DRC8: variants seen among roughly 807,000 people sequenced by gnomAD.
DRC8 encodes dynein regulatory complex subunit 8, also known as dynein regulatory complex protein 8.
the DRC8 span, among the ~76,000 whole-genome samples, chr1:245,007,489 A>T: frequency 6.6e-6 from 1 of 152,270 alleles, no homozygotes; most frequent in Non-Finnish European, 1.5e-5. Context: ...GAATGTCTTT[A>T]TTTTTAGGAG....
the DRC8 span, among the ~76,000 whole-genome samples, chr1:245,041,143 G>T: frequency 6.6e-6 from 1 of 152,168 alleles, no homozygotes; most frequent in East Asian, 1.9e-4. Flanking sequence ...AAGATTAGGA[G>T]TCAGCTGTGT....
the DRC8 span, among the ~76,000 whole-genome samples, chr1:245,045,786 G>A: frequency 5.3e-5 from 4 of 76,132 alleles, no homozygotes; most frequent in Admixed American, 1.2e-4. Context: ...CTGACTGGTT[G>A]TGGACAGCAA....
the DRC8 span, among the ~76,000 whole-genome samples, chr1:245,037,442 A>G: frequency 2.0e-5 from 3 of 152,328 alleles, no homozygotes; most frequent in South Asian, 6.2e-4. Context: ...AATTTTGAAG[A>G]CTCGATAAAG....
the DRC8 span, chr1:245,087,183 A>G: frequency 3.7e-5 from 58 of 1,573,838 alleles, 1 homozygote; most frequent in South Asian, 6.5e-4. Flanking sequence ...TAAGCTGGCT[A>G]GTGGAAAGAG....
the DRC8 span, among the ~76,000 whole-genome samples, chr1:245,115,132 C>T: frequency 6.6e-6 from 1 of 152,142 alleles, no homozygotes; most frequent in Admixed American, 6.5e-5. Flanking sequence ...CTCATGCAGC[C>T]TCGACCTCCC....
chr1:245,078,460 T>TACAC, the DRC8 span, among the ~76,000 whole-genome samples: 74 of 34,062 alleles, frequency 2.2e-3, no homozygotes, highest in Non-Finnish European at 2.4e-3. Context: ...ATAGTATATG[T>TACAC]ACACACACAC....
At chr1:244,984,221 T>G in the DRC8 span, among the ~76,000 whole-genome samples, 1 of 152,286 alleles carries the variant, frequency 6.6e-6, no homozygotes, top group South Asian at 2.1e-4. Context: ...GAGTACCTTG[T>G]GATCCTTTTG....
At chr1:245,015,513 A>G in the DRC8 span, among the ~76,000 whole-genome samples, 1 of 152,160 alleles carries the variant, frequency 6.6e-6, no homozygotes, top group East Asian at 1.9e-4. Flanking sequence ...GATCGAGACC[A>G]TCCTGGCCAA....
chr1:245,083,506 T>C, the DRC8 span: 1 of 1,607,224 alleles, frequency 6.2e-7, no homozygotes, highest in South Asian at 1.1e-5. Context: ...CCAGCTTATA[T>C]GCATATACAT....
the DRC8 span, chr1:245,017,442 GTATT>G: frequency 3.7e-6 from 4 of 1,075,486 alleles, no homozygotes; most frequent in South Asian, 6.3e-5. Flanking sequence ...GCTCTTTTAA[GTATT>G]TATTTTCCAT....
chr1:245,031,091 AC>A, the DRC8 span, among the ~76,000 whole-genome samples: 1 of 152,136 alleles, frequency 6.6e-6, no homozygotes. Context: ...TGATATAGTT[AC>A]CCCAAATCCT....
At chr1:245,007,072 G>A in the DRC8 span, among the ~76,000 whole-genome samples, 56 of 152,362 alleles carry the variant, frequency 3.7e-4, no homozygotes, top group South Asian at 1.7e-3. Flanking sequence ...GGAATCAGTA[G>A]AAGATAGCAG....
the DRC8 span, among the ~76,000 whole-genome samples, chr1:245,061,611 AAAAG>A: frequency 2.2e-4 from 34 of 152,340 alleles, no homozygotes; most frequent in Non-Finnish European, 4.3e-4. Context: ...AGCACATAAA[AAAAG>A]CACAAATTTG....
the DRC8 span, chr1:244,970,347 C>T: frequency 6.6e-7 from 1 of 1,521,636 alleles, no homozygotes; most frequent in Non-Finnish European, 8.8e-7. Context: ...CGCCGCGGGG[C>T]GCTGAGCAGG....
chr1:245,046,197 TTTC>T, the DRC8 span, among the ~76,000 whole-genome samples: 2 of 152,196 alleles, frequency 1.3e-5, no homozygotes, highest in African/African-American at 2.4e-5. Flanking sequence ...AATGTCTTGT[TTTC>T]TTATTTCTAA....
the DRC8 span, among the ~76,000 whole-genome samples, chr1:245,116,901 C>T: frequency 1.1e-4 from 16 of 152,074 alleles, no homozygotes; most frequent in African/African-American, 2.7e-4. Flanking sequence ...AAGCCAGCAA[C>T]GATTTTATCT....
At chr1:245,022,796 C>T in the DRC8 span, among the ~76,000 whole-genome samples, 1 of 152,060 alleles carries the variant, frequency 6.6e-6, no homozygotes, top group Non-Finnish European at 1.5e-5. Context: ...ATTTTAAGTA[C>T]AGAATGCAGT....
At chr1:245,015,158 C>G in the DRC8 span, among the ~76,000 whole-genome samples, 10 of 152,124 alleles carry the variant, frequency 6.6e-5, no homozygotes, top group Admixed American at 4.6e-4. Context: ...GGTTCTGTCG[C>G]CAGGCTGGCG....
At chr1:245,009,183 G>C in the DRC8 span, among the ~76,000 whole-genome samples, 48 of 150,598 alleles carry the variant, frequency 3.2e-4, no homozygotes, top group Non-Finnish European at 8.9e-5. Context: ...TTACAGGCTC[G>C]CACCACCACG....
Sources: gnomAD v4.1 joint callset for allele counts (sites outside exome capture counted in the v4.1 genomes callset) on GRCh38, gnomAD v4.1.1 for gene constraint, MANE v1.5 for transcripts, NCBI Gene and HGNC (gene_info 2026-07-23, HGNC 2026-07-21) for gene names.